SLCO2B1: variants seen among roughly 807,000 people sequenced by gnomAD.
The protein encoded by SLCO2B1 is OATP-RP2.
A neutral mutation model predicts 67.3 loss-of-function variants in SLCO2B1; 41 were observed. The ratio of observed to expected loss-of-function variants is 0.61; its 90% CI spans 0.47 to 0.79. The LOEUF (loss-of-function observed/expected upper bound fraction) is 0.79, where lower values mean the gene tolerates loss of function less well. Among genes scored for constraint, SLCO2B1 ranks in the 30% least tolerant of loss-of-function variants. SLCO2B1 has a pLI of 0.00. For missense variants in SLCO2B1, 837 were observed against 920.1 expected, an observed-to-expected ratio of 0.91 and a Z score of 1.17; for synonymous variants, 379 against 381.4, an observed-to-expected ratio of 0.99 and a Z score of 0.07.
chr11:75,186,145 A>C (rs1001995819), intron 7 of SLCO2B1, among the ~76,000 whole-genome samples: 3 of 151,882 alleles, frequency 2.0e-5, no homozygotes, highest in African/African-American at 7.3e-5. Flanking sequence ...TCCCTGGCTC[A>C]GATGATCCTC....
chr11:75,174,881 T>C (rs1490333804), intron 7 of SLCO2B1, among the ~76,000 whole-genome samples: 1 of 152,164 alleles, frequency 6.6e-6, no homozygotes, highest in Non-Finnish European at 1.5e-5. Flanking sequence ...CACATGCCAG[T>C]CATGTGACCT....
chr11:75,163,053 T>C (rs925905656), intron 2 of SLCO2B1: 38 of 279,710 alleles, frequency 1.4e-4, no homozygotes, highest in African/African-American at 6.6e-4. Flanking sequence ...GTTTCCCACT[T>C]TCCCAGAGAA....
intron 7 of SLCO2B1, among the ~76,000 whole-genome samples, chr11:75,179,322 C>T (rs1167569165): frequency 6.8e-6 from 1 of 147,752 alleles, no homozygotes; most frequent in Non-Finnish European, 1.5e-5. Context: ...ACCTCCGCCT[C>T]CGGGGTTCAA....
chr11:75,202,792 T>C, intron 11 of SLCO2B1, 109 bp from the exon 12 acceptor site: 1 of 939,190 alleles, frequency 1.1e-6, no homozygotes, highest in Non-Finnish European at 1.7e-6. Flanking sequence ...AGAGGCTGGC[T>C]CTGGGTGGTG....
intron 7 of SLCO2B1, among the ~76,000 whole-genome samples, chr11:75,177,518 CTGAAGAAAAG>C (rs1459070533): frequency 1.3e-5 from 2 of 152,138 alleles, no homozygotes; most frequent in Non-Finnish European, 2.9e-5. Flanking sequence ...GCTCGAGGGG[CTGAAGAAAAG>C]ACCCGGAGTG....
chr11:75,177,486 A>T (rs759480188), intron 7 of SLCO2B1, among the ~76,000 whole-genome samples: 4 of 152,154 alleles, frequency 2.6e-5, no homozygotes, highest in Non-Finnish European at 5.9e-5. Flanking sequence ...AGGCCTGCTG[A>T]CTTCAGTAGG....
rs753242353 is a variant in SLCO2B1 at position 75,204,416 on chromosome 11, T to C, written c.1966T>C (p.Phe656Leu). Residue 656 changes from phenylalanine (F) to leucine (L), a missense_variant, in exon 14 of 14, where the codon TTC (phenylalanine) becomes CTC (leucine). Coordinates refer to ENST00000289575, the MANE Select transcript of SLCO2B1 (RefSeq NM_007256.5). ...LLRNRFIGLQ[F>L]FFKTGSVICF... ...TTTCCCCAGGTTCATCGGCCTCCAGTTCTTCTTCAAAACAGGTTCTGTGAT... is the reference window on the plus strand; with the variant it reads ...TTTCCCCAGGTTCATCGGCCTCCAGCTCTTCTTCAAAACAGGTTCTGTGAT... The C allele has an allele frequency of 6.2e-7, 1 of 1,607,360 alleles. No homozygotes were observed. The highest frequency in any genetic ancestry group is 2.2e-5 in the East Asian group (1 of 44,720).
chr11:75,200,449 CA>C, intron 11 of SLCO2B1, 62 bp downstream of exon 11: 2 of 1,470,016 alleles, frequency 1.4e-6, no homozygotes, highest in Non-Finnish European at 1.8e-6. Flanking sequence ...ACAGGCAGAA[CA>C]AGGAATTCCA....
chr11:75,162,779 C>T lies in SLCO2B1; in HGVS notation c.141C>T (p.Asn47=). 11 of 1,613,580 alleles carry T rather than the reference C, an allele frequency of 6.8e-6. No individual in the cohort carries two copies. The highest frequency in any genetic ancestry group is 9.3e-6 in the Non-Finnish European group (11 of 1,179,768). The change falls in exon 2 of 14, where the codon AAC becomes AAT. Residue 47 remains asparagine (N), a synonymous_variant. Transcript: ENST00000289575. ...PQDVRPSVFH[N]IKLFVLCHSL... ...ACGTGCGGCCAAGTGTGTTCCATAA[C>T]ATCAAGGTACCTCTCAGGGCCTGGC...
chr11:75,198,517 G>T (rs1468112834), intron 10 of SLCO2B1, among the ~76,000 whole-genome samples: 2 of 152,228 alleles, frequency 1.3e-5, no homozygotes, highest in Non-Finnish European at 2.9e-5. Context: ...GAGAAATGGA[G>T]GCCCAGGAAA....
At chr11:75,169,616 G>T in intron 5 of SLCO2B1, 50 bp from the exon 6 acceptor site, 1 of 1,506,090 alleles carries the variant, frequency 6.6e-7, no homozygotes, top group Non-Finnish European at 9.1e-7. Flanking sequence ...GCACTGGTCT[G>T]CAGAGGGAAG....
At chr11:75,159,541 A>G (rs966834394) in intron 1 of SLCO2B1, among the ~76,000 whole-genome samples, 4 of 152,198 alleles carry the variant, frequency 2.6e-5, no homozygotes, top group African/African-American at 7.2e-5. Flanking sequence ...GGACTGGACC[A>G]TCCTTCCAAG....
chr11:75,192,950 C>CTGG, intron 8 of SLCO2B1, among the ~76,000 whole-genome samples: 1 of 151,746 alleles, frequency 6.6e-6, no homozygotes, highest in African/African-American at 2.4e-5. Context: ...AGGCTGAGGC[C>CTGG]GAGAATCACT....
chr11:75,182,800 T>G (rs1347851296), intron 7 of SLCO2B1, among the ~76,000 whole-genome samples: 1 of 151,754 alleles, frequency 6.6e-6, no homozygotes, highest in Non-Finnish European at 1.5e-5. Context: ...CAGACGACAT[T>G]GTGGTTGTTT....
intron 3 of SLCO2B1, among the ~76,000 whole-genome samples, chr11:75,165,439 A>G (rs1434792944): frequency 6.6e-6 from 1 of 152,182 alleles, no homozygotes; most frequent in East Asian, 1.9e-4. Flanking sequence ...TCAAAAAAAA[A>G]AAAAAAAAAT....
chr11:75,200,520 A>G (rs1945166890), intron 11 of SLCO2B1, 133 bp downstream of exon 11: 2 of 844,042 alleles, frequency 2.4e-6, no homozygotes, highest in Non-Finnish European at 3.5e-6. Flanking sequence ...TATGGCCTTA[A>G]CTGTGTTCAT....
intron 6 of SLCO2B1, among the ~76,000 whole-genome samples, chr11:75,170,790 A>T (rs1220839846): frequency 6.6e-6 from 1 of 152,138 alleles, no homozygotes. Flanking sequence ...CCCTCCCCTG[A>T]AAGAAAAGTC....
rs555164674 is a variant in SLCO2B1 at position 75,162,144 on chromosome 11, AC to A, written c.17-507del. 5.9e-5 allele frequency among the ~76,000 whole-genome samples: 9 copies of A among 152,082 alleles called. No homozygotes were observed. In the East Asian group the frequency reaches 1.6e-3, roughly 26 times the overall value. ...CAGGGGTTGAAATCTACTCCAATAC[AC>A]CCCAGAAAAGCCTTTATTCCCTGAC... On this transcript the variant is annotated intron_variant, in intron 1 of 13. Transcript: ENST00000289575.
chr11:75,204,235 G>A, intron 13 of SLCO2B1, 165 bp from the exon 14 acceptor site: 1 of 648,156 alleles, frequency 1.5e-6, no homozygotes, highest in South Asian at 2.4e-5. Flanking sequence ...TCCCACCCAG[G>A]GCTCCTCTGC....
Sources: allele counts gnomAD v4.1 joint callset (sites outside exome capture counted in the v4.1 genomes callset), GRCh38; gene constraint gnomAD v4.1.1; transcripts MANE v1.5; gene names NCBI Gene and HGNC (gene_info 2026-07-23, HGNC 2026-07-21).